Variants in ALOXE3 observed in about 807,000 individuals in gnomAD.
The protein encoded by ALOXE3 is arachidonate epidermal lipoxygenase 3, also known as hydroperoxide isomerase ALOXE3.
In ALOXE3, 78 loss-of-function variants were observed where a neutral mutation model predicts 87.5. That is an observed-to-expected ratio of 0.89 (90% CI 0.74 to 1.08). ALOXE3 has a LOEUF of 1.08. Among genes scored for constraint, ALOXE3 ranks in the 50% least tolerant of loss-of-function variants. The probability of loss-of-function intolerance (pLI) is 0.00; values close to 1 mark genes in which losing one functional copy is unlikely to be tolerated. For missense variants in ALOXE3, 946 were observed against 912.4 expected, an observed-to-expected ratio of 1.04 and a Z score of -0.47; for synonymous variants, 363 against 370.8, an observed-to-expected ratio of 0.98 and a Z score of 0.24.
chr17:8,117,971 C>T lies in ALOXE3; in HGVS notation c.20G>A (p.Cys7Tyr), dbSNP rs1980755649. The T allele has an allele frequency of 9.9e-6, 16 of 1,611,914 alleles. No homozygotes were observed. Among genetic ancestry groups the T allele is most frequent in the Non-Finnish European group, 1.4e-5 (16 of 1,179,752 alleles). Reference protein sequence around the residue: MAVYRLCVTTGPYLRAG... With the variant: MAVYRLYVTTGPYLRAG... ...CCTCAGGTAGGGACCAGTGGTCACA[C>T]ACAGGCGGTACACTGCCATGATGGG... The change falls in exon 2 of 16, where the codon TGT becomes TAT. Residue 7 changes from cysteine to tyrosine, a missense_variant. Cys to Tyr is a radical substitution (Grantham distance 194). Transcript: ENST00000448843.
intron 11 of ALOXE3, among the ~76,000 whole-genome samples, chr17:8,109,617 G>C (rs1174892987): frequency 6.6e-6 from 1 of 151,726 alleles, no homozygotes; most frequent in African/African-American, 2.4e-5. Context: ...TGAGGGTAGT[G>C]CTGGGGCTCA....
intron 15 of ALOXE3, among the ~76,000 whole-genome samples, chr17:8,099,669 A>AG: frequency 6.6e-6 from 1 of 151,678 alleles, no homozygotes; most frequent in African/African-American, 2.4e-5. Flanking sequence ...TCAAAAAAAA[A>AG]AAAAAAGTAA....
intron 13 of ALOXE3, among the ~76,000 whole-genome samples, chr17:8,107,570 C>G (rs953436545): frequency 6.6e-6 from 1 of 151,568 alleles, no homozygotes; most frequent in South Asian, 2.1e-4. Context: ...GAGGCTGAGG[C>G]GGGCGGATCA....
intron 15 of ALOXE3, among the ~76,000 whole-genome samples, chr17:8,101,546 AG>A (rs1303193753): frequency 6.6e-6 from 1 of 152,222 alleles, no homozygotes; most frequent in African/African-American, 2.4e-5. Context: ...GGGACCAGAT[AG>A]GGACAGGACC....
chr17:8,104,334 A>G (rs757994227), intron 13 of ALOXE3, 119 bp from the exon 14 acceptor site: 5 of 744,398 alleles, frequency 6.7e-6, no homozygotes, highest in Middle Eastern at 2.6e-4. Context: ...CCGAGCCATG[A>G]CTGTCTTGTC....
chr17:8,114,835 G>T (rs1980441296), intron 5 of ALOXE3, 103 bp downstream of exon 5: 2 of 1,552,542 alleles, frequency 1.3e-6, no homozygotes, highest in Admixed American at 1.7e-5. Flanking sequence ...AAACTGCATT[G>T]TCATAGACCC....
intron 6 of ALOXE3, among the ~76,000 whole-genome samples, chr17:8,112,944 A>G (rs4414548): frequency 0.53 from 81,193 of 151,832 alleles, 22,872 homozygotes; most frequent in African/African-American, 0.72. Context: ...ACCATGTAGT[A>G]CCTCCCAAGT....
In ALOXE3 at chr17:8,114,614, G is replaced by C; in HGVS notation, c.555-5C>G. On this transcript the variant is annotated splice_polypyrimidine_tract_variant and splice_region_variant and intron_variant, in intron 5 of 15. Transcript: ENST00000448843. Reference sequence around the variant, plus strand: ...GGCAGGTACCGATTCCCACTGCTGGGGGTCGGGGGAGTAGAAAGACAGAAA... The same window carrying C: ...GGCAGGTACCGATTCCCACTGCTGGCGGTCGGGGGAGTAGAAAGACAGAAA... 4 of 1,613,950 alleles carry C rather than the reference G, an allele frequency of 2.5e-6. No homozygotes were observed. The highest frequency in any genetic ancestry group is 3.4e-6 in the Non-Finnish European group (4 of 1,179,958).
At position 8,096,656 on chromosome 17, in the gene ALOXE3, G is replaced by A. The variant is rs757234020; in HGVS notation, c.2107C>T (p.Pro703Ser). ...LALPYTYLDP[P>S]LIENSVSI ...ATGGAGACGCTGTTCTCAATGAGGG[G>A]AGGGTCCAGGTAGGTGTAGGGCAGT... Residue 703 changes from proline (P) to serine (S), a missense_variant, in exon 16 of 16, where the codon CCC becomes TCC. Coordinates refer to ENST00000448843, the MANE Select transcript of ALOXE3 (RefSeq NM_021628.3). 2 of 1,474,766 alleles carry A rather than the reference G, an allele frequency of 1.4e-6. No homozygotes were observed. Among genetic ancestry groups the A allele is most frequent in the Admixed American group, 3.3e-5 (2 of 59,802 alleles). 91.4% of individuals were successfully genotyped at this position (1,474,766 alleles called of 1,614,324 possible).
chr17:8,111,844 G>C (rs1308860167), intron 7 of ALOXE3, among the ~76,000 whole-genome samples: 1 of 151,988 alleles, frequency 6.6e-6, no homozygotes, highest in Non-Finnish European at 1.5e-5. Context: ...AAATGACTGT[G>C]ACCCTCTCCC....
chr17:8,115,624 G>A lies in ALOXE3; in HGVS notation c.417C>T (p.Ala139=). 3 of 1,613,890 alleles carry A rather than the reference G, an allele frequency of 1.9e-6. No individual in the cohort carries two copies. Among genetic ancestry groups the A allele is most frequent in the Non-Finnish European group, 2.5e-6 (3 of 1,179,808 alleles). The change falls in exon 4 of 16, where the codon GCC becomes GCT. Residue 139 remains alanine, a synonymous_variant. Transcript: ENST00000448843. ...LLDHRTRELR[A]RQECYRWKIY... ...ACCCTCACCGGTAGCATTCTTGTCG[G>A]GCCCGGAGCTCCCGTGTCCTGTGAT... is the stretch of plus-strand genomic sequence containing the variant.
At chr17:8,114,278 C>T in intron 6 of ALOXE3, among the ~76,000 whole-genome samples, 1 of 84,024 alleles carries the variant, frequency 1.2e-5, no homozygotes, top group African/African-American at 4.8e-5. Context: ...CTGGGGAGCA[C>T]AAGGGGGAGA....
At position 8,104,979 on chromosome 17, in the gene ALOXE3, G is replaced by A. The variant is rs773997885; in HGVS notation, c.1685-764C>T. 7.9e-5 allele frequency among the ~76,000 whole-genome samples: 12 copies of A among 152,146 alleles called. No homozygotes were observed. In the South Asian group the frequency reaches 1.2e-3, roughly 16 times the overall value. On this transcript the variant is annotated intron_variant, in intron 13 of 15. Transcript: ENST00000448843. Reference sequence around the variant, plus strand: ...ATTCCCTTCTCTGGCTGTGCCTGGCGTCTGAGCTCCAGACTCAGCCGTGGG... The same window carrying A: ...ATTCCCTTCTCTGGCTGTGCCTGGCATCTGAGCTCCAGACTCAGCCGTGGG...
At chr17:8,097,872 C>G (rs529888812) in intron 15 of ALOXE3, among the ~76,000 whole-genome samples, 14 of 151,844 alleles carry the variant, frequency 9.2e-5, no homozygotes, top group African/African-American at 3.4e-4. Context: ...CTCAGCCTCC[C>G]GAGTAGCTGG....
rs370031870 is a variant in ALOXE3, at chr17:8,115,623, G to T, written c.418C>A (p.Arg140=). The change falls in exon 4 of 16, where the codon CGA becomes AGA. Residue 140 remains arginine, a synonymous_variant. Transcript: ENST00000448843. ...CACCCTCACCGGTAGCATTCTTGTC[G>T]GGCCCGGAGCTCCCGTGTCCTGTGA... ...LDHRTRELRA[R]QECYRWKIYA... The T allele has an allele frequency of 3.1e-6, 5 of 1,613,874 alleles. No individual in the cohort carries two copies. Among genetic ancestry groups the T allele is most frequent in the South Asian group, 2.2e-5 (2 of 91,082 alleles).
chr17:8,107,933 GAA>G lies in ALOXE3; in HGVS notation c.1684+533_1684+534del, dbSNP rs1979556819. Among the ~76,000 whole-genome samples the G allele has an allele frequency of 7.9e-4, 4 of 5,086 alleles. 1 individual carries two copies. The highest frequency in any genetic ancestry group is 5.0e-3 in the Admixed American group (3 of 602). 3.3% of individuals were successfully genotyped at this position (5,086 alleles called of 152,430 possible). ...AGAAAGAAAGAAAGAAAGAAAGAAAGAAAGAAAGAAAGAAAGAAAGAAAGAAA... is the reference window on the plus strand; with the variant it reads ...AGAAAGAAAGAAAGAAAGAAAGAAAGAGAAAGAAAGAAAGAAAGAAAGAAA... On this transcript the variant is annotated intron_variant, in intron 13 of 15. Coordinates refer to ENST00000448843, the MANE Select transcript of ALOXE3 (RefSeq NM_021628.3).
In ALOXE3 at chr17:8,109,951, C is replaced by T. The variant is rs1199903838; in HGVS notation, c.1357G>A (p.Ala453Thr). Reference sequence around the variant, plus strand: ...AGGCCCTCGGGGTTGAGCAGCGTGGCCCTCGCGATGGTGTTCACCTGCAGC... The same window carrying T: ...AGGCCCTCGGGGTTGAGCAGCGTGGTCCTCGCGATGGTGTTCACCTGCAGC... ...YTLQVNTIAR[A>T]TLLNPEGLVD... The change falls in exon 11 of 16, where the codon GCC (alanine) becomes ACC (threonine). Residue 453 changes from alanine (A) to threonine (T), a missense_variant. Ala to Thr is a moderately conservative substitution (Grantham distance 58). Coordinates refer to ENST00000448843, the MANE Select transcript of ALOXE3 (RefSeq NM_021628.3). 7.7e-6 allele frequency: 12 copies of T among 1,551,166 alleles called. No individual in the cohort carries two copies. Among genetic ancestry groups the T allele is most frequent in the Admixed American group, 2.0e-5 (1 of 50,986 alleles).
Position 8,109,943 on chromosome 17 carries a change from C to T in ALOXE3, c.1365G>A (p.Leu455=), listed in dbSNP as rs757010758. Residue 455 remains leucine (L), a synonymous_variant, in exon 11 of 16, where the codon CTG becomes CTA. Transcript: ENST00000448843. ...GGTCCACGAGGCCCTCGGGGTTGAG[C>T]AGCGTGGCCCTCGCGATGGTGTTCA... ...LQVNTIARAT[L]LNPEGLVDQV... 34 of 1,551,018 alleles carry T rather than the reference C, an allele frequency of 2.2e-5. 1 individual carries two copies. In the East Asian group the frequency reaches 2.4e-4, roughly 11 times the overall value.
At chr17:8,117,551 C>A (rs1980705153) in intron 2 of ALOXE3, among the ~76,000 whole-genome samples, 1 of 152,210 alleles carries the variant, frequency 6.6e-6, no homozygotes, top group Non-Finnish European at 1.5e-5. Context: ...TAAGAGGAAA[C>A]CCAGGCTCAG....
Sources: allele counts gnomAD v4.1 joint callset (sites outside exome capture counted in the v4.1 genomes callset), GRCh38; gene constraint gnomAD v4.1.1; transcripts MANE v1.5; gene names NCBI Gene and HGNC (gene_info 2026-07-23, HGNC 2026-07-21).